TRAPPC9: variants seen among roughly 807,000 people sequenced by gnomAD.
TRAPPC9 encodes the protein trafficking protein particle complex subunit 9, also known as IKK2 binding protein.
Under a neutral mutation model 124.0 loss-of-function variants are expected in TRAPPC9, and 83 were observed. The observed-to-expected ratio is 0.67, with a 90% CI of 0.56 to 0.80. The LOEUF (loss-of-function observed/expected upper bound fraction) is 0.80, where lower values mean the gene tolerates loss of function less well. TRAPPC9 is among the 30% of genes least tolerant of loss of function. The probability of loss-of-function intolerance (pLI) is 0.00; values close to 1 mark genes in which losing one functional copy is unlikely to be tolerated. For synonymous variants in TRAPPC9, 638 were observed against 617.5 expected (o/e 1.03, Z -0.49); for missense variants, 1,302 against 1,508.3 (o/e 0.86, Z 2.27).
intron 21 of TRAPPC9, among the ~76,000 whole-genome samples, chr8:139,819,881 C>T (rs1259212555): frequency 1.3e-5 from 2 of 151,618 alleles, no homozygotes; most frequent in African/African-American, 4.8e-5. Flanking sequence ...GGCATGGTGG[C>T]GTGCGCCTAT....
rs137883394 is a variant in TRAPPC9, at chr8:140,265,891, C to T, written c.2278+9767G>A. ...CAATAAAGAGAATCTCGCCTCAAAA[C>T]ATTTATGAATTTTTAATTATAACAA... is the stretch of plus-strand genomic sequence containing the variant. On this transcript the variant is annotated intron_variant, in intron 15 of 22. Coordinates refer to ENST00000438773, the MANE Select transcript of TRAPPC9 (RefSeq NM_001160372.4). 5.2e-4 allele frequency among the ~76,000 whole-genome samples: 79 copies of T among 152,180 alleles called. 1 individual carries two copies. Among genetic ancestry groups the T allele is most frequent in the African/African-American group, 1.8e-3 (75 of 41,524 alleles).
chr8:139,748,689 G>A (rs957333288), intron 21 of TRAPPC9, among the ~76,000 whole-genome samples: 2 of 152,022 alleles, frequency 1.3e-5, no homozygotes, highest in Non-Finnish European at 2.9e-5. Flanking sequence ...CGTGTCTAGC[G>A]CAGCCTCTCC....
chr8:139,853,780 G>A (rs1404006403), intron 21 of TRAPPC9, among the ~76,000 whole-genome samples: 2 of 152,174 alleles, frequency 1.3e-5, no homozygotes, highest in Non-Finnish European at 2.9e-5. Context: ...GGGTAGAGCC[G>A]GGACAGAGGC....
chr8:139,756,311 G>A (rs1819769416), intron 21 of TRAPPC9, among the ~76,000 whole-genome samples: 1 of 145,470 alleles, frequency 6.9e-6, no homozygotes, highest in East Asian at 2.1e-4. Flanking sequence ...GGAGGAGCCA[G>A]GGATTGGGGA....
intron 16 of TRAPPC9, among the ~76,000 whole-genome samples, chr8:140,227,799 G>C (rs2063489134): frequency 6.6e-6 from 1 of 152,214 alleles, no homozygotes; most frequent in Admixed American, 6.5e-5. Flanking sequence ...TGCAAAGTCA[G>C]GCATTCTCTT....
At chr8:139,855,148 G>A (rs1221813083) in intron 21 of TRAPPC9, among the ~76,000 whole-genome samples, 3 of 152,232 alleles carry the variant, frequency 2.0e-5, no homozygotes, top group African/African-American at 7.2e-5. Context: ...GTAACCCAGA[G>A]CTGGGCTGCA....
At chr8:140,048,096 G>A (rs1355242367) in intron 17 of TRAPPC9, among the ~76,000 whole-genome samples, 1 of 152,244 alleles carries the variant, frequency 6.6e-6, no homozygotes, top group Non-Finnish European at 1.5e-5. Flanking sequence ...GTCCCCTCCT[G>A]GAAATGCCAT....
chr8:140,073,942 A>T (rs1330191546), intron 17 of TRAPPC9, among the ~76,000 whole-genome samples: 1 of 152,080 alleles, frequency 6.6e-6, no homozygotes, highest in African/African-American at 2.4e-5. Flanking sequence ...CACACCTGTG[A>T]CCTCATTAAA....
chr8:140,249,674 G>A (rs955281919), intron 16 of TRAPPC9, among the ~76,000 whole-genome samples: 1 of 145,584 alleles, frequency 6.9e-6, no homozygotes, highest in Non-Finnish European at 1.5e-5. Flanking sequence ...CGCGATCTCG[G>A]CTCACTGCAA....
intron 17 of TRAPPC9, among the ~76,000 whole-genome samples, chr8:140,178,189 T>A (rs552879185): frequency 6.6e-5 from 10 of 152,274 alleles, no homozygotes; most frequent in South Asian, 6.2e-4. Context: ...AATATGAACA[T>A]CCTTGCCTTC....
rs577853072 is a variant in TRAPPC9 at position 139,744,487 on chromosome 8, G to A, written c.3056-12285C>T. On this transcript the variant is annotated intron_variant, in intron 21 of 22. Transcript: ENST00000438773. ...CAGAGACGGAAGAAGGACTTGCTCCGTCTCCGTGTCCCAGAGCACTGCTCT... is the reference window on the plus strand; with the variant it reads ...CAGAGACGGAAGAAGGACTTGCTCCATCTCCGTGTCCCAGAGCACTGCTCT... Among the ~76,000 whole-genome samples the A allele has an allele frequency of 1.9e-4, 29 of 152,288 alleles. No individual in the cohort carries two copies. In the East Asian group the frequency reaches 2.1e-3, roughly 11 times the overall value.
At chr8:140,050,960 C>T (rs1233233984) in intron 17 of TRAPPC9, among the ~76,000 whole-genome samples, 3 of 152,218 alleles carry the variant, frequency 2.0e-5, no homozygotes, top group Non-Finnish European at 2.9e-5. Context: ...GCTGAAGGAA[C>T]GGAAGTCACC....
intron 17 of TRAPPC9, among the ~76,000 whole-genome samples, chr8:140,045,946 C>T (rs2132055877): frequency 6.6e-6 from 1 of 152,266 alleles, no homozygotes; most frequent in Admixed American, 6.5e-5. Flanking sequence ...CACTGGCTTT[C>T]CATAAATCAG....
At chr8:140,378,219 C>T (rs1012788577) in intron 7 of TRAPPC9, among the ~76,000 whole-genome samples, 85 of 152,094 alleles carry the variant, frequency 5.6e-4, no homozygotes, top group African/African-American at 1.7e-3. Context: ...ATGCTTAATA[C>T]TAAGCGTCAA....
chr8:140,183,269 C>T (rs2062248837), intron 17 of TRAPPC9, among the ~76,000 whole-genome samples: 2 of 152,142 alleles, frequency 1.3e-5, no homozygotes, highest in African/African-American at 2.4e-5. Context: ...TGGTGGAAGA[C>T]CTGTGTACAG....
chr8:139,911,903 G>C (rs899171276), intron 19 of TRAPPC9, among the ~76,000 whole-genome samples: 12 of 152,062 alleles, frequency 7.9e-5, no homozygotes, highest in Admixed American at 7.9e-4. Context: ...GACAGCTTGG[G>C]AAAGAACTAC....
At chr8:140,458,413 T>C (rs1350171578), upstream of TRAPPC9, 2 of 1,593,922 alleles carry the variant, frequency 1.3e-6, no homozygotes, top group Admixed American at 1.8e-5. Flanking sequence ...ACTCCCACGG[T>C]CGTGCCCCCC....
intron 18 of TRAPPC9, among the ~76,000 whole-genome samples, chr8:139,998,752 A>G (rs1029831645): frequency 2.0e-5 from 3 of 151,808 alleles, no homozygotes; most frequent in Non-Finnish European, 4.4e-5. Flanking sequence ...AAAACAAAAC[A>G]AAAAAAAACA....
rs775955766 is a variant in TRAPPC9 at position 139,837,375 on chromosome 8, C to T, written c.3055+48504G>A. On this transcript the variant is annotated intron_variant, in intron 21 of 22. Transcript: ENST00000438773. ...CCTGACAGCCCACCACAGCCCCCAA[C>T]GGCACTTCAAAAAGGCCCCTGTCCT... 9.8e-5 allele frequency among the ~76,000 whole-genome samples: 15 copies of T among 152,312 alleles called. No homozygotes were observed. The South Asian group carries it at 1.2e-3, about 13-fold the overall frequency.
Sources: allele counts gnomAD v4.1 joint callset (sites outside exome capture counted in the v4.1 genomes callset), GRCh38; gene constraint gnomAD v4.1.1; transcripts MANE v1.5; gene names NCBI Gene and HGNC (gene_info 2026-07-23, HGNC 2026-07-21).